The following TARBP1 variants were observed in gnomAD, a reference collection of about 807,000 sequenced individuals.
TARBP1 encodes the protein tRNA (guanosine(18)-2'-O)-methyltransferase TARBP1.
A neutral mutation model predicts 178.6 loss-of-function variants in TARBP1; 144 were observed. That is an observed-to-expected ratio of 0.81 (90% CI 0.70 to 0.93). The LOEUF is 0.93. Among genes scored for constraint, TARBP1 ranks in the 40% least tolerant of loss-of-function variants. TARBP1 has a pLI of 0.00. For missense variants in TARBP1, 2,067 were observed against 2,011.7 expected, an observed-to-expected ratio of 1.03 and a Z score of -0.53; for synonymous variants, 787 against 781.0, an observed-to-expected ratio of 1.01 and a Z score of -0.13.
At chr1:234,427,859 G>A in intron 17 of TARBP1, 93 bp from the exon 18 acceptor site, 1 of 871,040 alleles carries the variant, frequency 1.1e-6, no homozygotes, top group Non-Finnish European at 1.6e-6. Flanking sequence ...ACATAATCAT[G>A]AACAGTCTAA....
At chr1:234,462,572 C>T (rs1315122526) in intron 6 of TARBP1, among the ~76,000 whole-genome samples, 3 of 151,860 alleles carry the variant, frequency 2.0e-5, no homozygotes, top group African/African-American at 7.3e-5. Context: ...GCCTGTAGTC[C>T]CAGCTACTCG....
intron 1 of TARBP1, 102 bp from the exon 2 acceptor site, chr1:234,472,913 T>C: frequency 1.2e-6 from 1 of 864,438 alleles, no homozygotes. Flanking sequence ...ACCAAATGGA[T>C]TCTCTAATAA....
chr1:234,428,931 G>T (rs1024682985), intron 17 of TARBP1, among the ~76,000 whole-genome samples: 2 of 152,118 alleles, frequency 1.3e-5, no homozygotes, highest in African/African-American at 4.8e-5. Flanking sequence ...GGCAGATGTG[G>T]CTCCAGGCTA....
rs376094207 is a variant in TARBP1 at position 234,460,385 on chromosome 1, A to G, written c.1411T>C (p.Leu471=). The G allele has an allele frequency of 5.6e-6, 9 of 1,613,814 alleles. No individual in the cohort carries two copies. The African/African-American group carries it at 1.1e-4, about 19-fold the overall frequency. The stretch of plus-strand genomic sequence containing the variant: ...CTTGTCATCTTCCGAATAAACTTCA[A>G]TAGGAAGCTACCTGAAAGAAAAAGT... ...LPEEIKSSFL[L]KFIRKMTSRH... Residue 471 remains leucine, a synonymous_variant, in exon 7 of 30, where the codon TTG becomes CTG. Transcript: ENST00000040877.
At chr1:234,450,608 C>CAACTTA in intron 9 of TARBP1, 42 bp from the exon 10 acceptor site, 1 of 1,583,076 alleles carries the variant, frequency 6.3e-7, no homozygotes, top group Non-Finnish European at 8.6e-7. Context: ...AAAAACCTAA[C>CAACTTA]CAAACAAAGG....
In TARBP1 at chr1:234,430,122, C is replaced by T; in HGVS notation, c.2574G>A (p.Glu858=). 1 of 1,614,150 alleles carries T rather than the reference C, an allele frequency of 6.2e-7. No homozygotes were observed. The highest frequency in any genetic ancestry group is 8.5e-7 in the Non-Finnish European group (1 of 1,179,992). ...NQTLQKPHAE[E]QSSYAHPLEC... is the part of the protein sequence containing the mutation. ...CCAAGGGGTGAGCATAACTGCTCTG[C>T]TCCTCTGCGTGGGGCTTCTGCAGCG... Residue 858 remains glutamate (E), a synonymous_variant, in exon 15 of 30, where the codon GAG becomes GAA. Coordinates refer to ENST00000040877, the MANE Select transcript of TARBP1 (RefSeq NM_005646.4).
chr1:234,408,393 T>C (rs1231464162), intron 23 of TARBP1, among the ~76,000 whole-genome samples: 1 of 152,154 alleles, frequency 6.6e-6, no homozygotes, highest in African/African-American at 2.4e-5. Flanking sequence ...TAGTTTATAG[T>C]TTAAAACAAA....
intron 17 of TARBP1, among the ~76,000 whole-genome samples, chr1:234,428,363 C>CA (rs1467393345): frequency 1.3e-5 from 2 of 152,198 alleles, no homozygotes; most frequent in East Asian, 3.9e-4. Flanking sequence ...AAACCTCAGC[C>CA]AAAGTGCAAT....
intron 5 of TARBP1, among the ~76,000 whole-genome samples, chr1:234,465,349 C>T (rs1368242458): frequency 6.6e-6 from 1 of 152,096 alleles, no homozygotes; most frequent in Admixed American, 6.6e-5. Context: ...AAAATCATTA[C>T]AACTTCCAAG....
chr1:234,405,612 A>C, intron 24 of TARBP1: 1 of 324,602 alleles, frequency 3.1e-6, no homozygotes, highest in Non-Finnish European at 5.6e-6. Flanking sequence ...ACAAAGGATG[A>C]CATTTAGCTA....
At chr1:234,465,602 T>C (rs953965765) in intron 5 of TARBP1, 54 bp downstream of exon 5, 12 of 1,475,098 alleles carry the variant, frequency 8.1e-6, no homozygotes, top group Non-Finnish European at 9.9e-6. Context: ...TCTGGTCATG[T>C]CTCTTAACAT....
chr1:234,440,741 T>G (rs1665506542), intron 12 of TARBP1, among the ~76,000 whole-genome samples: 1 of 152,124 alleles, frequency 6.6e-6, no homozygotes, highest in Non-Finnish European at 1.5e-5. Flanking sequence ...TATATACTAG[T>G]AACACACAGT....
At position 234,417,514 on chromosome 1, in the gene TARBP1, T is replaced by C. The variant is rs543257810; in HGVS notation, c.3705+570A>G. On this transcript the variant is annotated intron_variant, in intron 22 of 29. Coordinates refer to ENST00000040877, the MANE Select transcript of TARBP1 (RefSeq NM_005646.4). ...GCATTCAAGATATAGAACTGATTCT[T>C]GGAAACAATTTGCTCTTTGTCAGGA... Among the ~76,000 whole-genome samples the C allele has an allele frequency of 5.9e-5, 9 of 152,334 alleles. No individual in the cohort carries two copies. The South Asian group carries it at 1.9e-3, about 32-fold the overall frequency.
chr1:234,423,321 C>T (rs543781147), intron 20 of TARBP1, among the ~76,000 whole-genome samples: 2 of 152,246 alleles, frequency 1.3e-5, no homozygotes, highest in South Asian at 4.1e-4. Flanking sequence ...TGGCCTCTCC[C>T]TGTCACTTTT....
rs757993562 is a variant in TARBP1, at chr1:234,429,277, C to A, written c.2919G>T (p.Ala973=). 4.4e-6 allele frequency: 7 copies of A among 1,600,502 alleles called. No individual in the cohort carries two copies. The highest frequency in any genetic ancestry group is 2.2e-5 in the East Asian group (1 of 44,838). ...TGCTTAAAGAAGATATAATTTTCCA[C>A]GCCATGTCAAAAGACTCTATGCAGA... ...ESLCIESFDM[A]WKIISSLSNT... is the part of the protein sequence containing the mutation. Residue 973 remains alanine (A), a synonymous_variant, in exon 17 of 30, where the codon GCG becomes GCT. Coordinates refer to ENST00000040877, the MANE Select transcript of TARBP1 (RefSeq NM_005646.4).
At chr1:234,394,419 T>C (rs1219208803) in intron 26 of TARBP1, among the ~76,000 whole-genome samples, 1 of 152,254 alleles carries the variant, frequency 6.6e-6, no homozygotes, top group Non-Finnish European at 1.5e-5. Flanking sequence ...AGTACAGGAC[T>C]GAGACTCTAC....
chr1:234,434,654 G>A (rs894613798), intron 13 of TARBP1, among the ~76,000 whole-genome samples: 1 of 152,196 alleles, frequency 6.6e-6, no homozygotes, highest in African/African-American at 2.4e-5. Context: ...GCAACTATGG[G>A]CGTTAAGCTC....
At position 234,416,011 on chromosome 1, in the gene TARBP1, G is replaced by A. The variant is rs140699005; in HGVS notation, c.3705+2073C>T. 2.7e-3 allele frequency among the ~76,000 whole-genome samples: 407 copies of A among 152,256 alleles called. 8 individuals are homozygous for A. The highest frequency in any genetic ancestry group is 0.024 in the Admixed American group (365 of 15,286). ...GATGTCCACAGGTAAAATCAGATTCGAAGAGAATATACAAGGTCTAATGAC... is the reference window on the plus strand; with the variant it reads ...GATGTCCACAGGTAAAATCAGATTCAAAGAGAATATACAAGGTCTAATGAC... On this transcript the variant is annotated intron_variant, in intron 22 of 29. Transcript: ENST00000040877.
Position 234,478,733 on chromosome 1 carries a change from G to C in TARBP1, c.371C>G (p.Ala124Gly), listed in dbSNP as rs1368228678. The change falls in exon 1 of 30, where the codon GCG (alanine) becomes GGG (glycine). Residue 124 changes from alanine to glycine, a missense_variant. Transcript: ENST00000040877. ...CCACCCGGCGAGCAGATCGCGCAGCGCCTCCTCAGCCAGCGCGGCCGCCAG... is the reference window on the plus strand; with the variant it reads ...CCACCCGGCGAGCAGATCGCGCAGCCCCTCCTCAGCCAGCGCGGCCGCCAG... The part of the protein sequence containing the change: ...PQLAAALAEE[A>G]LRDLLAGWRA... 9.4e-6 allele frequency: 11 copies of C among 1,165,780 alleles called. No individual in the cohort carries two copies. In the Admixed American group the frequency reaches 2.9e-4, roughly 31 times the overall value. 72.2% of individuals were successfully genotyped at this position (1,165,780 alleles called of 1,614,324 possible).
Sources: gnomAD v4.1 joint callset for allele counts (sites outside exome capture counted in the v4.1 genomes callset) on GRCh38, gnomAD v4.1.1 for gene constraint, MANE v1.5 for transcripts, NCBI Gene and HGNC (gene_info 2026-07-23, HGNC 2026-07-21) for gene names.